Variants in ADAM9 observed in about 807,000 individuals in gnomAD.
The protein encoded by ADAM9 is disintegrin and metalloproteinase domain-containing protein 9.
ADAM9 carries 54 observed loss-of-function variants against 108.1 expected under a neutral mutation model. The ratio of observed to expected loss-of-function variants is 0.50; its 90% CI spans 0.40 to 0.63. The LOEUF (loss-of-function observed/expected upper bound fraction) is 0.63, where lower values mean the gene tolerates loss of function less well. ADAM9 is among the 20% of genes least tolerant of loss of function. The probability of loss-of-function intolerance (pLI) is 0.00; values close to 1 mark genes in which losing one functional copy is unlikely to be tolerated. For synonymous variants in ADAM9, 316 were observed against 336.0 expected (o/e 0.94, Z 0.65); for missense variants, 830 against 997.7 (o/e 0.83, Z 2.26).
chr8:39,049,441 GTTTTTTT>G (rs559508620), intron 12 of ADAM9, among the ~76,000 whole-genome samples: 2 of 134,834 alleles, frequency 1.5e-5, no homozygotes, highest in Admixed American at 1.5e-4. Context: ...ATTTTTTATA[GTTTTTTT>G]TTTTTTTTTT....
At chr8:39,074,547 C>A (rs151012367) in intron 15 of ADAM9, among the ~76,000 whole-genome samples, 333 of 151,850 alleles carry the variant, frequency 2.2e-3, no homozygotes, top group Non-Finnish European at 3.7e-3. Flanking sequence ...ACAAATAAGG[C>A]CATTCACATG....
At chr8:39,098,636 G>T (rs191188976) in intron 20 of ADAM9, among the ~76,000 whole-genome samples, 3 of 152,198 alleles carry the variant, frequency 2.0e-5, no homozygotes, top group Non-Finnish European at 4.4e-5. Flanking sequence ...GTGATTGTTT[G>T]TTATAGTTTT....
rs552617668 is a variant in ADAM9, at chr8:39,014,729, A to G, written c.333+686A>G. Reference sequence around the variant, plus strand: ...TATTCCCATTACATGTGTATGTTTTATTTTTCTTCTGAACTTTGTAATACT... The same window carrying G: ...TATTCCCATTACATGTGTATGTTTTGTTTTTCTTCTGAACTTTGTAATACT... On this transcript the variant is annotated intron_variant, in intron 4 of 21. Transcript: ENST00000487273. The G allele has an allele frequency of 1.1e-4, 58 of 522,808 alleles. No homozygotes were observed. In the South Asian group the frequency reaches 1.7e-3, roughly 15 times the overall value. 32.4% of individuals were successfully genotyped at this position (522,808 alleles called of 1,614,324 possible).
chr8:39,010,796 A>G (rs1400672098), intron 2 of ADAM9, among the ~76,000 whole-genome samples: 1 of 152,096 alleles, frequency 6.6e-6, no homozygotes, highest in Non-Finnish European at 1.5e-5. Context: ...TTTATGTACC[A>G]CTAATAAAGA....
At chr8:39,017,468 T>A (rs757949390) in intron 6 of ADAM9, 54 bp downstream of exon 6, 212 of 1,561,532 alleles carry the variant, frequency 1.4e-4, no homozygotes, top group Non-Finnish European at 1.5e-4. Flanking sequence ...AGAAAAATCA[T>A]GTATTTATTC....
chr8:38,999,845 G>A (rs1835941321), intron 1 of ADAM9, among the ~76,000 whole-genome samples: 1 of 152,172 alleles, frequency 6.6e-6, no homozygotes, highest in African/African-American at 2.4e-5. Context: ...CTAAGTAACT[G>A]GAAGCTTTTT....
intron 15 of ADAM9, among the ~76,000 whole-genome samples, chr8:39,072,189 T>C (rs1305736423): frequency 6.6e-6 from 1 of 152,230 alleles, no homozygotes; most frequent in Non-Finnish European, 1.5e-5. Context: ...GAGGAAAAAG[T>C]CATGTATAAT....
intron 5 of ADAM9, among the ~76,000 whole-genome samples, chr8:39,016,636 C>G (rs1380251232): frequency 6.6e-6 from 1 of 152,170 alleles, no homozygotes; most frequent in African/African-American, 2.4e-5. Flanking sequence ...ATTAACATTA[C>G]ATTCCTTGAG....
chr8:39,047,711 T>G (rs183291960), intron 12 of ADAM9, among the ~76,000 whole-genome samples: 19 of 152,268 alleles, frequency 1.2e-4, no homozygotes, highest in Admixed American at 1.2e-3. Context: ...TTAATATTGC[T>G]TATCTTTTGA....
intron 11 of ADAM9, 89 bp downstream of exon 11, chr8:39,026,899 A>C: frequency 6.5e-7 from 1 of 1,537,202 alleles, no homozygotes; most frequent in Non-Finnish European, 9.0e-7. Context: ...TACATTGGGA[A>C]AACAGGAAAT....
chr8:39,045,103 T>C (rs1321114481), intron 12 of ADAM9, among the ~76,000 whole-genome samples: 2 of 18,232 alleles, frequency 1.1e-4, no homozygotes, highest in African/African-American at 3.2e-4. Flanking sequence ...TATGTGTGTG[T>C]GCATACATAC....
At chr8:39,020,749 A>G (rs1048646145) in intron 7 of ADAM9, among the ~76,000 whole-genome samples, 3 of 151,916 alleles carry the variant, frequency 2.0e-5, no homozygotes, top group Non-Finnish European at 2.9e-5. Flanking sequence ...TCTCAGTTCT[A>G]TTTTCTGTAT....
At chr8:39,004,174 G>A (rs1251890759) in intron 1 of ADAM9, among the ~76,000 whole-genome samples, 1 of 151,894 alleles carries the variant, frequency 6.6e-6, no homozygotes, top group African/African-American at 2.4e-5. Flanking sequence ...ATATTGTTTA[G>A]CTTCTAGTGT....
chr8:39,102,298 G>A (rs1839724702), intron 21 of ADAM9, among the ~76,000 whole-genome samples: 1 of 152,172 alleles, frequency 6.6e-6, no homozygotes, highest in Non-Finnish European at 1.5e-5. Flanking sequence ...GTGTTTGAAG[G>A]CATAGAAGAC....
At chr8:39,072,509 T>C (rs971989472) in intron 15 of ADAM9, among the ~76,000 whole-genome samples, 1 of 152,226 alleles carries the variant, frequency 6.6e-6, no homozygotes, top group East Asian at 1.9e-4. Flanking sequence ...TTGGTGATTG[T>C]GTAGGGTGTT....
chr8:39,080,957 T>TG (rs1434450248), intron 16 of ADAM9, among the ~76,000 whole-genome samples: 2 of 149,832 alleles, frequency 1.3e-5, no homozygotes, highest in East Asian at 3.9e-4. Context: ...AGTTTTTTTT[T>TG]TTTTTTTTTT....
intron 16 of ADAM9, among the ~76,000 whole-genome samples, 197 bp downstream of exon 16, chr8:39,077,608 C>G (rs1838888544): frequency 6.6e-6 from 1 of 152,170 alleles, no homozygotes. Context: ...GGTCAGATAA[C>G]CAGTGTTTTC....
intron 12 of ADAM9, among the ~76,000 whole-genome samples, chr8:39,053,763 A>G (rs1437983253): frequency 6.6e-6 from 1 of 152,176 alleles, no homozygotes; most frequent in Non-Finnish European, 1.5e-5. Flanking sequence ...GGTAAAAAAG[A>G]GTGTTCAGCT....
chr8:39,024,197 C>A (rs1836847863), intron 9 of ADAM9, among the ~76,000 whole-genome samples: 1 of 152,168 alleles, frequency 6.6e-6, no homozygotes, highest in African/African-American at 2.4e-5. Context: ...CTTGTAGGAT[C>A]TTCTCTTGGT....
Sources: gnomAD v4.1 joint callset for allele counts (sites outside exome capture counted in the v4.1 genomes callset) on GRCh38, gnomAD v4.1.1 for gene constraint, MANE v1.5 for transcripts, NCBI Gene and HGNC (gene_info 2026-07-23, HGNC 2026-07-21) for gene names.